Variants in DCC observed in about 807,000 individuals in gnomAD.
DCC encodes netrin receptor DCC.
Under a neutral mutation model 172.5 loss-of-function variants are expected in DCC, and 58 were observed. The observed-to-expected ratio is 0.34, with a 90% CI of 0.27 to 0.42. The LOEUF is 0.42. Among genes scored for constraint, DCC ranks in the 10% least tolerant of loss-of-function variants. The pLI is 1.00. For synonymous variants in DCC, 709 were observed against 644.5 expected, an observed-to-expected ratio of 1.10 and a Z score of -1.52; for missense variants, 1,740 against 1,791.0, an observed-to-expected ratio of 0.97 and a Z score of 0.51.
At chr18:52,918,113 T>A (rs535910468) in intron 3 of DCC, among the ~76,000 whole-genome samples, 1 of 152,152 alleles carries the variant, frequency 6.6e-6, no homozygotes, top group Non-Finnish European at 1.5e-5. Flanking sequence ...TATATGTATA[T>A]CTTAGAGAAT....
chr18:52,484,065 G>C (rs2030088475), intron 1 of DCC, among the ~76,000 whole-genome samples: 2 of 152,078 alleles, frequency 1.3e-5, no homozygotes, highest in South Asian at 4.2e-4. Flanking sequence ...ATTTTATTTT[G>C]TTTTGACTTT....
chr18:52,653,223 G>A (rs1261295930), intron 1 of DCC, among the ~76,000 whole-genome samples: 3 of 152,122 alleles, frequency 2.0e-5, no homozygotes, highest in Non-Finnish European at 4.4e-5. Context: ...AAAATTATAT[G>A]GGAAAACCAC....
rs71368919 is a variant in DCC, at chr18:53,241,575, G to A, written c.1911+25978G>A. Among the ~76,000 whole-genome samples the A allele has an allele frequency of 1.3e-3, 196 of 152,260 alleles. 1 individual carries two copies. Among genetic ancestry groups the A allele is most frequent in the South Asian group, 0.011 (55 of 4,830 alleles). On this transcript the variant is annotated intron_variant, in intron 12 of 28. Coordinates refer to ENST00000442544, the MANE Select transcript of DCC (RefSeq NM_005215.4). ...CTGCACACTGAGAGTGGAGAAAAGTGTCTTCAAGGTTTTCTTCTGCTTCCG... is the reference window on the plus strand; with the variant it reads ...CTGCACACTGAGAGTGGAGAAAAGTATCTTCAAGGTTTTCTTCTGCTTCCG...
intron 1 of DCC, among the ~76,000 whole-genome samples, chr18:52,573,298 A>C (rs2033342322): frequency 6.6e-6 from 1 of 152,194 alleles, no homozygotes. Flanking sequence ...CTATGGATAT[A>C]ATGAAGTTAG....
chr18:53,073,845 TAAG>T (rs1048024510), intron 7 of DCC, among the ~76,000 whole-genome samples: 9 of 151,278 alleles, frequency 5.9e-5, no homozygotes, highest in African/African-American at 2.2e-4. Context: ...CTTATCAATA[TAAG>T]AAGAATACCT....
chr18:53,452,096 T>G (rs905107450), intron 23 of DCC, among the ~76,000 whole-genome samples: 27 of 152,204 alleles, frequency 1.8e-4, no homozygotes, highest in African/African-American at 6.5e-4. Flanking sequence ...AGTGCAGGGC[T>G]GTTAATAAGG....
At position 53,486,879 on chromosome 18, in the gene DCC, C is replaced by T; in HGVS notation, c.3819C>T (p.Pro1273=). The part of the protein sequence containing the change: ...GILPSPTCGY[P]HPQFTLRPVP... Reference sequence around the variant, plus strand: ...TCCCGTCTCCCACCTGTGGATATCCCCACCCGCAGTTCACTCTCCGGCCTG... The same window carrying T: ...TCCCGTCTCCCACCTGTGGATATCCTCACCCGCAGTTCACTCTCCGGCCTG... The change falls in exon 26 of 29, where the codon CCC becomes CCT. Residue 1273 remains proline, a synonymous_variant. Coordinates refer to ENST00000442544, the MANE Select transcript of DCC (RefSeq NM_005215.4). The T allele has an allele frequency of 7.4e-6, 12 of 1,614,178 alleles. No individual in the cohort carries two copies. Among genetic ancestry groups the T allele is most frequent in the Non-Finnish European group, 9.3e-6 (11 of 1,180,020 alleles).
chr18:52,763,855 A>G (rs1438145008), intron 2 of DCC, among the ~76,000 whole-genome samples: 1 of 152,162 alleles, frequency 6.6e-6, no homozygotes, highest in Non-Finnish European at 1.5e-5. Flanking sequence ...ACTTAATGAT[A>G]TATCTTGGGC....
intron 1 of DCC, among the ~76,000 whole-genome samples, chr18:52,396,394 A>G (rs886498115): frequency 6.6e-6 from 1 of 150,970 alleles, no homozygotes; most frequent in African/African-American, 2.4e-5. Context: ...CTGACAATCA[A>G]TTTTCTCATA....
At chr18:53,037,123 A>G (rs1027050720) in intron 5 of DCC, among the ~76,000 whole-genome samples, 21 of 151,974 alleles carry the variant, frequency 1.4e-4, no homozygotes, top group Non-Finnish European at 5.9e-5. Flanking sequence ...TCAAAGAGGC[A>G]TTGTCAACTC....
chr18:53,375,682 G>A (rs2058103537), intron 15 of DCC, among the ~76,000 whole-genome samples: 1 of 147,912 alleles, frequency 6.8e-6, no homozygotes, highest in Admixed American at 6.9e-5. Flanking sequence ...TGGTTATAAG[G>A]TCTCTGGTTA....
intron 7 of DCC, among the ~76,000 whole-genome samples, chr18:53,138,113 C>G (rs772683522): frequency 1.1e-4 from 16 of 152,024 alleles, no homozygotes; most frequent in Non-Finnish European, 1.9e-4. Context: ...CAAGCATGAG[C>G]CATTGTGCCC....
intron 1 of DCC, among the ~76,000 whole-genome samples, chr18:52,541,875 G>A (rs368008384): frequency 2.6e-3 from 305 of 115,152 alleles, no homozygotes; most frequent in Middle Eastern, 4.8e-3. Flanking sequence ...GTGTGTGTGT[G>A]TATATATATA....
At chr18:52,357,112 C>T (rs893345082) in intron 1 of DCC, among the ~76,000 whole-genome samples, 26 of 152,154 alleles carry the variant, frequency 1.7e-4, no homozygotes, top group South Asian at 1.7e-3. Context: ...CTCACCAGTA[C>T]ATATTGGACA....
chr18:53,492,229 A>C (rs1223149712), intron 26 of DCC, among the ~76,000 whole-genome samples: 1 of 152,108 alleles, frequency 6.6e-6, no homozygotes, highest in Non-Finnish European at 1.5e-5. Flanking sequence ...TCAGATGGAT[A>C]GATTGCAAAA....
chr18:53,452,190 C>T (rs150097035), intron 23 of DCC, among the ~76,000 whole-genome samples: 38 of 152,234 alleles, frequency 2.5e-4, no homozygotes, highest in African/African-American at 8.9e-4. Flanking sequence ...TGTGAAATCA[C>T]GGAACAGTGG....
At chr18:53,152,271 CCTTAT>C (rs1426434857) in intron 7 of DCC, among the ~76,000 whole-genome samples, 1 of 151,988 alleles carries the variant, frequency 6.6e-6, no homozygotes, top group African/African-American at 2.4e-5. Flanking sequence ...TATGAGTACC[CCTTAT>C]CTTTCATATA....
intron 12 of DCC, among the ~76,000 whole-genome samples, chr18:53,254,611 T>C (rs549920321): frequency 6.6e-4 from 100 of 152,032 alleles, no homozygotes; most frequent in Non-Finnish European, 1.3e-3. Context: ...TATAAAAATA[T>C]ACATGCCAAG....
At chr18:52,683,663 C>G (rs1413469464) in intron 1 of DCC, among the ~76,000 whole-genome samples, 3 of 152,012 alleles carry the variant, frequency 2.0e-5, no homozygotes, top group African/African-American at 7.2e-5. Context: ...CCAAGAGCTC[C>G]CTTTTGAACT....
Sources: allele counts gnomAD v4.1 joint callset (sites outside exome capture counted in the v4.1 genomes callset), GRCh38; gene constraint gnomAD v4.1.1; transcripts MANE v1.5; gene names NCBI Gene and HGNC (gene_info 2026-07-23, HGNC 2026-07-21).